OPCML: variants seen among roughly 807,000 people sequenced by gnomAD.
The protein encoded by OPCML is opioid binding protein/cell adhesion molecule like.
OPCML carries 13 observed loss-of-function variants against 37.8 expected under a neutral mutation model. The observed-to-expected ratio is 0.34, with a 90% confidence interval of 0.22 to 0.55. The LOEUF is 0.55. OPCML is among the 20% of genes least tolerant of loss of function. The pLI is 0.91. For synonymous variants in OPCML, 176 were observed against 168.8 expected, an observed-to-expected ratio of 1.04 and a Z score of -0.33; for missense variants, 341 against 435.6, an observed-to-expected ratio of 0.78 and a Z score of 1.93.
intron 2 of OPCML, among the ~76,000 whole-genome samples, chr11:132,894,879 C>T (rs80120403): frequency 0.027 from 4,072 of 152,276 alleles, 170 homozygotes; most frequent in African/African-American, 0.093. Context: ...ACTGGCATTC[C>T]AGGATCCCCA....
chr11:133,274,104 T>C (rs959818542), intron 1 of OPCML, among the ~76,000 whole-genome samples: 2 of 152,218 alleles, frequency 1.3e-5, no homozygotes, highest in African/African-American at 4.8e-5. Flanking sequence ...TTTGTTCAAA[T>C]GCTGTCATCC....
chr11:133,139,911 G>GCGC (rs1237066075), intron 1 of OPCML, among the ~76,000 whole-genome samples: 1 of 152,114 alleles, frequency 6.6e-6, no homozygotes, highest in Non-Finnish European at 1.5e-5. Flanking sequence ...TTGAGGCCAG[G>GCGC]CGCGGTGGCT....
chr11:132,916,441 T>A (rs1277291168), intron 2 of OPCML, among the ~76,000 whole-genome samples: 2 of 152,296 alleles, frequency 1.3e-5, no homozygotes, highest in South Asian at 2.1e-4. Context: ...TAGACAGGCA[T>A]GGACGTCACT....
chr11:132,487,390 C>T (rs1293875706), intron 4 of OPCML, among the ~76,000 whole-genome samples: 3 of 152,224 alleles, frequency 2.0e-5, no homozygotes, highest in African/African-American at 7.2e-5. Context: ...TAATCTCCAA[C>T]ATACCCATGG....
chr11:132,736,250 T>G lies in OPCML; in HGVS notation c.147-78931A>C, dbSNP rs549508715. On this transcript the variant is annotated intron_variant, in intron 2 of 7. Transcript: ENST00000524381. ...CTCTTCAGTTCTTAGGTTTTCTGAT[T>G]GAGAGAAGCTACTCAAGGCTATATG... Among the ~76,000 whole-genome samples the G allele has an allele frequency of 2.3e-3, 355 of 152,268 alleles. 1 individual carries two copies. Among genetic ancestry groups the G allele is most frequent in the Non-Finnish European group, 4.1e-3 (281 of 68,018 alleles).
chr11:133,000,780 T>C (rs1946983428), intron 1 of OPCML, among the ~76,000 whole-genome samples: 1 of 152,206 alleles, frequency 6.6e-6, no homozygotes, highest in Admixed American at 6.5e-5. Context: ...AAATTTCATG[T>C]TGAAAGGTAA....
At chr11:133,027,454 C>CAT (rs1947575145) in intron 1 of OPCML, among the ~76,000 whole-genome samples, 1 of 150,054 alleles carries the variant, frequency 6.7e-6, no homozygotes, top group Admixed American at 6.6e-5. Flanking sequence ...GTGTGTATGT[C>CAT]ATATGTGGTC....
At chr11:133,401,601 A>G (rs1945407832) in intron 1 of OPCML, among the ~76,000 whole-genome samples, 3 of 152,136 alleles carry the variant, frequency 2.0e-5, no homozygotes, top group Admixed American at 1.3e-4. Context: ...AATATTCTTT[A>G]CATAAGTTGC....
rs1053843712 is a variant in OPCML at position 133,205,703 on chromosome 11, T to G, written c.62-262693A>C. Among the ~76,000 whole-genome samples the G allele has an allele frequency of 6.6e-6, 1 of 152,166 alleles. No homozygotes were observed. The highest frequency in any genetic ancestry group is 2.4e-5 in the African/African-American group (1 of 41,444). On this transcript the variant is annotated intron_variant, in intron 1 of 7. Coordinates refer to ENST00000524381, the MANE Select transcript of OPCML (RefSeq NM_001012393.5). This position sits in a 1 kb window ranked among gnomAD's most constrained non-coding sequence, Gnocchi z 4.8. ...TGAGACAAGAGAGTAGGAAAAACATTTAGTATTTTTTTTCCTTGTCTTTAA... is the reference window on the plus strand; with the variant it reads ...TGAGACAAGAGAGTAGGAAAAACATGTAGTATTTTTTTTCCTTGTCTTTAA...
intron 4 of OPCML, among the ~76,000 whole-genome samples, chr11:132,451,265 T>C (rs1276434290): frequency 1.3e-5 from 2 of 151,912 alleles, no homozygotes; most frequent in African/African-American, 4.8e-5. Flanking sequence ...AAATGGGGGC[T>C]ACAGCTCATC....
At chr11:132,453,829 G>A (rs1373128872) in intron 4 of OPCML, among the ~76,000 whole-genome samples, 1 of 152,164 alleles carries the variant, frequency 6.6e-6, no homozygotes, top group African/African-American at 2.4e-5. Flanking sequence ...CATGGACAGG[G>A]TGAGGAGGAA....
At chr11:133,517,440 A>G (rs537909476) in intron 1 of OPCML, among the ~76,000 whole-genome samples, 5 of 152,318 alleles carry the variant, frequency 3.3e-5, no homozygotes, top group African/African-American at 1.2e-4. Context: ...TTAATAGTGG[A>G]AAGTGATCGT....
At chr11:133,165,173 C>T (rs1013194820) in intron 1 of OPCML, among the ~76,000 whole-genome samples, 1 of 152,238 alleles carries the variant, frequency 6.6e-6, no homozygotes, top group Non-Finnish European at 1.5e-5. Flanking sequence ...GCCGCATGGC[C>T]TCAGCTCTCT....
At chr11:132,501,661 C>T (rs1251715647) in intron 4 of OPCML, among the ~76,000 whole-genome samples, 2 of 152,204 alleles carry the variant, frequency 1.3e-5, no homozygotes, top group African/African-American at 2.4e-5. Context: ...TAACTCCTAA[C>T]GTGGGCTATG....
intron 2 of OPCML, among the ~76,000 whole-genome samples, chr11:132,684,828 A>C (rs1391543140): frequency 6.6e-6 from 1 of 152,198 alleles, no homozygotes. Context: ...AAGATGATCA[A>C]TGTCTCTTCT....
chr11:133,433,314 T>G (rs1946166362), intron 1 of OPCML, among the ~76,000 whole-genome samples: 1 of 152,028 alleles, frequency 6.6e-6, no homozygotes, highest in African/African-American at 2.4e-5. Context: ...TAAATTATAT[T>G]CTGACAGCCA....
rs553439025 is a variant in OPCML at position 132,715,387 on chromosome 11, C to A, written c.147-58068G>T. On this transcript the variant is annotated intron_variant, in intron 2 of 7. Transcript: ENST00000524381. ...TTCTTTAGTGTCAAGAACACAGACT[C>A]TGAAACTGGGGAAATTTGGATTTTA... is the stretch of plus-strand genomic sequence containing the variant. 1.4e-4 allele frequency among the ~76,000 whole-genome samples: 21 copies of A among 152,328 alleles called. No individual in the cohort carries two copies. The South Asian group carries it at 4.4e-3, about 32-fold the overall frequency.
intron 1 of OPCML, among the ~76,000 whole-genome samples, chr11:132,982,799 C>G (rs1946614648): frequency 6.6e-6 from 1 of 152,180 alleles, no homozygotes; most frequent in South Asian, 2.1e-4. Flanking sequence ...AACAATCAGC[C>G]TCACTCCACT....
At chr11:133,237,547 G>C (rs575067518) in intron 1 of OPCML, among the ~76,000 whole-genome samples, 11 of 152,308 alleles carry the variant, frequency 7.2e-5, no homozygotes, top group Admixed American at 4.6e-4. Flanking sequence ...ACTTTTAGAG[G>C]ACCAAATCAT....
Sources: allele counts gnomAD v4.1 joint callset (sites outside exome capture counted in the v4.1 genomes callset), GRCh38; gene constraint gnomAD v4.1.1; non-coding constraint Gnocchi (gnomAD v3.1); transcripts MANE v1.5; gene names NCBI Gene and HGNC (gene_info 2026-07-23, HGNC 2026-07-21).